SLC9A2: variants seen among roughly 807,000 people sequenced by gnomAD.
SLC9A2 encodes sodium/hydrogen exchanger 2.
In SLC9A2, 42 loss-of-function variants were observed where a neutral mutation model predicts 71.7. That is an observed-to-expected ratio of 0.59 (90% CI 0.46 to 0.76). SLC9A2 has a LOEUF of 0.76. Among genes scored for constraint, SLC9A2 ranks in the 30% least tolerant of loss-of-function variants. The pLI is 0.00. For missense variants in SLC9A2, 829 were observed against 1,017.4 expected (o/e 0.81, Z 2.52); for synonymous variants, 396 against 392.5 (o/e 1.01, Z -0.10).
chr2:102,636,312 T>C (rs1676468599), intron 1 of SLC9A2, among the ~76,000 whole-genome samples: 1 of 152,230 alleles, frequency 6.6e-6, no homozygotes, highest in Admixed American at 6.5e-5. Context: ...GATAGTTTCT[T>C]AGTTTAGCCT....
At chr2:102,684,578 T>A (rs897709932) in intron 5 of SLC9A2, among the ~76,000 whole-genome samples, 5 of 152,216 alleles carry the variant, frequency 3.3e-5, no homozygotes, top group Admixed American at 3.3e-4. Flanking sequence ...AGCGCTCTAA[T>A]CTTATGACTG....
At chr2:102,685,192 C>A (rs907413715) in intron 5 of SLC9A2, among the ~76,000 whole-genome samples, 1 of 152,174 alleles carries the variant, frequency 6.6e-6, no homozygotes, top group African/African-American at 2.4e-5. Flanking sequence ...CCAAGAACAT[C>A]CCAGGCAAAT....
intron 1 of SLC9A2, among the ~76,000 whole-genome samples, chr2:102,655,186 G>A (rs1045979493): frequency 2.7e-5 from 4 of 146,222 alleles, no homozygotes; most frequent in Non-Finnish European, 4.5e-5. Context: ...ACACAAAAAT[G>A]TTTTCTTTCT....
At chr2:102,663,825 C>G (rs1396347351) in intron 2 of SLC9A2, among the ~76,000 whole-genome samples, 1 of 152,176 alleles carries the variant, frequency 6.6e-6, no homozygotes, top group Non-Finnish European at 1.5e-5. Flanking sequence ...TGGTATTTGA[C>G]TTGCTTCTCT....
intron 1 of SLC9A2, among the ~76,000 whole-genome samples, chr2:102,642,435 T>G (rs1005241403): frequency 1.5e-4 from 7 of 45,200 alleles, no homozygotes; most frequent in African/African-American, 6.5e-4. Flanking sequence ...AATCGTGTGG[T>G]TTTTTTTTTC....
chr2:102,646,993 A>C (rs1168321554), intron 1 of SLC9A2, among the ~76,000 whole-genome samples: 1 of 152,080 alleles, frequency 6.6e-6, no homozygotes, highest in South Asian at 2.1e-4. Context: ...TCCACCCCAA[A>C]TCAACAGAAT....
At chr2:102,633,943 A>G (rs1312884069) in intron 1 of SLC9A2, among the ~76,000 whole-genome samples, 1 of 152,230 alleles carries the variant, frequency 6.6e-6, no homozygotes, top group African/African-American at 2.4e-5. Context: ...ACAGGCACAT[A>G]TAGAAACACA....
intron 1 of SLC9A2, among the ~76,000 whole-genome samples, chr2:102,645,632 C>T (rs1018629218): frequency 2.6e-5 from 4 of 151,978 alleles, no homozygotes; most frequent in Non-Finnish European, 2.9e-5. Flanking sequence ...CTGAAAATCA[C>T]AGCATGAGAA....
intron 3 of SLC9A2, among the ~76,000 whole-genome samples, chr2:102,680,561 A>G (rs1326455209): frequency 6.6e-6 from 1 of 152,060 alleles, no homozygotes; most frequent in Non-Finnish European, 1.5e-5. Flanking sequence ...CTGTCACCCA[A>G]CTGCATGCAA....
In SLC9A2 at chr2:102,619,620, G is replaced by A. The variant is rs1481669482; in HGVS notation, c.-229G>A. 4.9e-6 allele frequency: 2 copies of A among 407,786 alleles called. No homozygotes were observed. The highest frequency in any genetic ancestry group is 8.6e-6 in the Non-Finnish European group (2 of 232,634). 25.3% of individuals were successfully genotyped at this position (407,786 alleles called of 1,614,324 possible). Reference sequence around the variant, plus strand: ...GGCGGCTGAGGGCTGCTGAGGGTACGCGCAGCGGCCTCTCGTCGCCCTGCA... The same window carrying A: ...GGCGGCTGAGGGCTGCTGAGGGTACACGCAGCGGCCTCTCGTCGCCCTGCA... On this transcript the variant is annotated 5_prime_UTR_variant, in exon 1 of 12. Coordinates refer to ENST00000233969, the MANE Select transcript of SLC9A2 (RefSeq NM_003048.6). This position sits in a 1 kb window ranked among gnomAD's most constrained non-coding sequence, Gnocchi z 4.3.
intron 3 of SLC9A2, among the ~76,000 whole-genome samples, 162 bp downstream of exon 3, chr2:102,665,512 C>T (rs1421968615): frequency 2.6e-5 from 4 of 152,002 alleles, no homozygotes; most frequent in Non-Finnish European, 5.9e-5. Context: ...CAGTGGCTCA[C>T]GCCTGTAATC....
chr2:102,683,507 A>G, intron 4 of SLC9A2, 29 bp downstream of exon 4: 1 of 1,538,672 alleles, frequency 6.5e-7, no homozygotes, highest in Non-Finnish European at 9.0e-7. Context: ...CTAACTGGAC[A>G]TATGTAACAC....
chr2:102,703,171 G>A (rs1172562460), intron 9 of SLC9A2, among the ~76,000 whole-genome samples: 1 of 152,110 alleles, frequency 6.6e-6, no homozygotes, highest in South Asian at 2.1e-4. Flanking sequence ...TCCCCATAAG[G>A]TGTCCCCATT....
intron 1 of SLC9A2, among the ~76,000 whole-genome samples, chr2:102,648,132 AG>A (rs1217073234): frequency 5.3e-5 from 8 of 152,184 alleles, no homozygotes; most frequent in Non-Finnish European, 8.8e-5. Context: ...CACACCAAAA[AG>A]CTTATCCACC....
intron 10 of SLC9A2, 95 bp downstream of exon 10, chr2:102,704,770 T>G: frequency 7.2e-7 from 1 of 1,384,844 alleles, no homozygotes; most frequent in Non-Finnish European, 1.0e-6. Flanking sequence ...GCAGATCAAG[T>G]GGCTGTTGAC....
intron 1 of SLC9A2, among the ~76,000 whole-genome samples, chr2:102,654,036 C>T (rs978634541): frequency 1.3e-5 from 2 of 152,126 alleles, no homozygotes; most frequent in African/African-American, 4.8e-5. Flanking sequence ...TCCACAATCA[C>T]AGGCAGAGAG....
chr2:102,637,868 G>A (rs1676498486), intron 1 of SLC9A2, among the ~76,000 whole-genome samples: 1 of 152,212 alleles, frequency 6.6e-6, no homozygotes. Context: ...TAAAAAGATA[G>A]ACATGTAGCT....
Position 102,710,882 on chromosome 2 carries a change from G to C in SLC9A2, c.*2393G>C, listed in dbSNP as rs1310612251. 1 of 152,344 alleles carries C rather than the reference G, an allele frequency of 6.6e-6. No individual in the cohort carries two copies. The highest frequency in any genetic ancestry group is 6.5e-5 in the Admixed American group (1 of 15,282). The allele number at this position is 152,344 out of a possible 1,614,324, so 9.4% of individuals were successfully genotyped here. On this transcript the variant is annotated 3_prime_UTR_variant, in exon 12 of 12. Coordinates refer to ENST00000233969, the MANE Select transcript of SLC9A2 (RefSeq NM_003048.6). ...TGTGGATCTTTGATAGGTCTTTGGT[G>C]TTGGTTGTAACAAAATTTGATTTGA...
chr2:102,702,379 A>T, intron 8 of SLC9A2, 27 bp from the exon 9 acceptor site: 1 of 1,272,634 alleles, frequency 7.9e-7, no homozygotes, highest in Non-Finnish European at 1.1e-6. Context: ...TTGAAAGGTA[A>T]AATATTCTTT....
Sources: allele counts gnomAD v4.1 joint callset (sites outside exome capture counted in the v4.1 genomes callset), GRCh38; gene constraint gnomAD v4.1.1; non-coding constraint Gnocchi (gnomAD v3.1); transcripts MANE v1.5; gene names NCBI Gene and HGNC (gene_info 2026-07-23, HGNC 2026-07-21).